The following MFAP3L variants were observed in gnomAD, a reference collection of about 807,000 sequenced individuals.
The protein encoded by MFAP3L is microfibrillar-associated protein 3-like.
MFAP3L carries 5 observed loss-of-function variants against 20.0 expected under a neutral mutation model. The ratio of observed to expected loss-of-function variants is 0.25; its 90% CI spans 0.13 to 0.53. The LOEUF is 0.53. MFAP3L is among the 20% of genes least tolerant of loss of function. The pLI, the probability that MFAP3L is intolerant of heterozygous loss-of-function variation, is 0.96. For missense variants in MFAP3L, 409 were observed against 527.5 expected, an observed-to-expected ratio of 0.78 and a Z score of 2.20; for synonymous variants, 219 against 213.0, an observed-to-expected ratio of 1.03 and a Z score of -0.25.
At chr4:170,013,195 C>T (rs1739490618) in intron 1 of MFAP3L, among the ~76,000 whole-genome samples, 1 of 152,108 alleles carries the variant, frequency 6.6e-6, no homozygotes, top group South Asian at 2.1e-4. Flanking sequence ...CAGAAATATA[C>T]TGTTTAAATT....
In MFAP3L at chr4:169,992,225, G is replaced by C. The variant is rs970110580; in HGVS notation, c.383C>G (p.Ser128Cys). The C allele has an allele frequency of 3.1e-6, 5 of 1,614,162 alleles. No individual in the cohort carries two copies. The highest frequency in any genetic ancestry group is 1.6e-4 in the Middle Eastern group (1 of 6,062). Residue 128 changes from serine to cysteine, a missense_variant, in exon 3 of 3, where the codon TCT (serine) becomes TGT (cysteine). Ser to Cys is a moderately radical substitution (Grantham distance 112). Transcript: ENST00000361618. This position sits in a 1 kb window ranked among gnomAD's most constrained non-coding sequence, Gnocchi z 4.3. ...GTTGTTCACGGTGCCGTAGATGTTA[G>C]AAGCCACACACGTGTATTTACCTCG... ...SDRGKYTCVA[S>C]NIYGTVNNTV...
chr4:169,998,244 T>C (rs1738343550), intron 2 of MFAP3L, among the ~76,000 whole-genome samples: 2 of 152,228 alleles, frequency 1.3e-5, no homozygotes, highest in Non-Finnish European at 2.9e-5. Flanking sequence ...CATCTGGCAA[T>C]GAGAGAACAG....
chr4:170,009,345 T>C (rs1384716742), intron 1 of MFAP3L, among the ~76,000 whole-genome samples: 3 of 144,186 alleles, frequency 2.1e-5, no homozygotes, highest in African/African-American at 7.9e-5. Context: ...ATGGCATCAC[T>C]GCACTCCAGC....
At chr4:170,025,603 CTG>C (rs1740301108) in intron 1 of MFAP3L, among the ~76,000 whole-genome samples, 2 of 152,274 alleles carry the variant, frequency 1.3e-5, no homozygotes, top group South Asian at 4.1e-4. Flanking sequence ...TGCAATCACT[CTG>C]TATTTTAATC....
chr4:170,015,958 T>G (rs975725344), intron 1 of MFAP3L, among the ~76,000 whole-genome samples: 4 of 152,128 alleles, frequency 2.6e-5, no homozygotes, highest in Non-Finnish European at 2.9e-5. Context: ...CCTTGAAACC[T>G]TCATTTCACT....
chr4:169,989,421 T>C lies in MFAP3L; in HGVS notation c.*1957A>G, dbSNP rs780774686. 1 of 152,218 alleles carries C rather than the reference T, an allele frequency of 6.6e-6. No homozygotes were observed. 9.4% of individuals were successfully genotyped at this position (152,218 alleles called of 1,614,324 possible). On this transcript the variant is annotated 3_prime_UTR_variant, in exon 3 of 3. Coordinates refer to ENST00000361618, the MANE Select transcript of MFAP3L (RefSeq NM_021647.8). ...TGCTCTCAATTACAGAGCCAGATAATGTTTGTTGTAAAGTTTGGATGGCAA... is the reference window on the plus strand; with the variant it reads ...TGCTCTCAATTACAGAGCCAGATAACGTTTGTTGTAAAGTTTGGATGGCAA...
intron 1 of MFAP3L, among the ~76,000 whole-genome samples, chr4:170,023,864 C>T (rs80019501): frequency 0.062 from 9,478 of 152,122 alleles, 413 homozygotes; most frequent in Non-Finnish European, 0.094. Context: ...TAAAATGCCT[C>T]GAGTATTTAA....
Position 169,991,662 on chromosome 4 carries a change from C to A in MFAP3L, c.946G>T (p.Ala316Ser), listed in dbSNP as rs1317152008. The A allele has an allele frequency of 6.2e-7, 1 of 1,614,160 alleles. No individual in the cohort carries two copies. Among genetic ancestry groups the A allele is most frequent in the Admixed American group, 1.7e-5 (1 of 60,020 alleles). The change falls in exon 3 of 3, where the codon GCC becomes TCC. Residue 316 changes from alanine (A) to serine (S), a missense_variant. By Grantham distance (99) the Ala-to-Ser change is moderately conservative. Coordinates refer to ENST00000361618, the MANE Select transcript of MFAP3L (RefSeq NM_021647.8). This position sits in a 1 kb window ranked among gnomAD's most constrained non-coding sequence, Gnocchi z 4.9. ...SSLHEQPQQI[A>S]IKVSVHPQSK... ...TGCGGGTGAACTGACACCTTGATGG[C>A]AATTTGCTGAGGTTGCTCGTGCAGC...
At chr4:170,005,545 T>C in intron 2 of MFAP3L, 35 bp downstream of exon 2, 2 of 1,596,554 alleles carry the variant, frequency 1.3e-6, no homozygotes, top group Admixed American at 3.4e-5. Context: ...CTGTTTATAT[T>C]TTATTATGAC....
chr4:170,012,914 A>G (rs1739472951), intron 1 of MFAP3L, among the ~76,000 whole-genome samples: 1 of 152,202 alleles, frequency 6.6e-6, no homozygotes, highest in Non-Finnish European at 1.5e-5. Context: ...TTATTACTCC[A>G]ACTACACTAA....
intron 1 of MFAP3L, among the ~76,000 whole-genome samples, chr4:170,011,881 G>T (rs1285519252): frequency 6.6e-6 from 1 of 152,188 alleles, no homozygotes; most frequent in Non-Finnish European, 1.5e-5. Flanking sequence ...TGGACCAGGG[G>T]AGAGAAGCTG....
At chr4:170,003,555 C>T (rs1472166206) in intron 2 of MFAP3L, 24 of 422,132 alleles carry the variant, frequency 5.7e-5, no homozygotes, top group Non-Finnish European at 7.3e-5. Context: ...GGATAATCCT[C>T]GAAATGTTGG....
chr4:170,025,811 G>A (rs1740320161), intron 1 of MFAP3L, among the ~76,000 whole-genome samples: 2 of 152,128 alleles, frequency 1.3e-5, no homozygotes, highest in Non-Finnish European at 2.9e-5. Flanking sequence ...CCGGAGCCCT[G>A]GCCAGCGCAC....
At chr4:170,010,945 A>G (rs1739341773) in intron 1 of MFAP3L, among the ~76,000 whole-genome samples, 1 of 152,336 alleles carries the variant, frequency 6.6e-6, no homozygotes, top group South Asian at 2.1e-4. Context: ...CTTGAATTGT[A>G]ATAAACCCCA....
intron 1 of MFAP3L, 104 bp from the exon 2 acceptor site, chr4:170,006,114 ACTT>A (rs1739017168): frequency 6.3e-5 from 52 of 821,648 alleles, no homozygotes; most frequent in Non-Finnish European, 7.9e-5. Context: ...ACATCAACAT[ACTT>A]TTTTTTTTTT....
At chr4:170,003,741 T>G (rs983977365) in intron 2 of MFAP3L, 27 of 985,326 alleles carry the variant, frequency 2.7e-5, no homozygotes, top group Non-Finnish European at 2.9e-5. Flanking sequence ...TCAGTCACCG[T>G]GGGTTCCCTA....
intron 2 of MFAP3L, among the ~76,000 whole-genome samples, chr4:169,995,537 T>C (rs964463330): frequency 2.0e-5 from 3 of 152,120 alleles, no homozygotes; most frequent in Admixed American, 6.6e-5. Flanking sequence ...AAGAAGAATC[T>C]CCATCCACAC....
chr4:170,009,638 A>T (rs2111022431), intron 1 of MFAP3L, among the ~76,000 whole-genome samples: 1 of 152,324 alleles, frequency 6.6e-6, no homozygotes, highest in South Asian at 2.1e-4. Context: ...CTTTGGGAAA[A>T]CTTTGATAGA....
chr4:170,000,161 T>A (rs192845921), intron 2 of MFAP3L, among the ~76,000 whole-genome samples: 1 of 152,324 alleles, frequency 6.6e-6, no homozygotes, highest in African/African-American at 2.4e-5. Flanking sequence ...TAGAAGCACA[T>A]TAGATATCAA....
Sources: allele counts gnomAD v4.1 joint callset (sites outside exome capture counted in the v4.1 genomes callset), GRCh38; gene constraint gnomAD v4.1.1; non-coding constraint Gnocchi (gnomAD v3.1); transcripts MANE v1.5; gene names NCBI Gene and HGNC (gene_info 2026-07-23, HGNC 2026-07-21).